Variants in EDARADD observed in about 807,000 individuals in gnomAD.
EDARADD encodes the protein EDAR associated via death domain, also known as ectodysplasin-A receptor-associated adapter protein.
A neutral mutation model predicts 25.6 loss-of-function variants in EDARADD; 20 were observed. That is an observed-to-expected ratio of 0.78 (90% CI 0.55 to 1.14). The LOEUF is 1.14. Ranked by LOEUF, EDARADD falls within the 50% of genes most tolerant of loss-of-function variation. The pLI is 0.00. For missense variants in EDARADD, 225 were observed against 270.1 expected (o/e 0.83, Z 1.17); for synonymous variants, 86 against 94.4 (o/e 0.91, Z 0.52).
At chr1:236,380,269 A>T (rs1210584538) in intron 3 of EDARADD, among the ~76,000 whole-genome samples, 1 of 152,260 alleles carries the variant, frequency 6.6e-6, no homozygotes, top group South Asian at 2.1e-4. Context: ...GTCTGAAGTC[A>T]CTTCACATAT....
At chr1:236,379,386 ATAAACAAC>A (rs1235774140) in intron 3 of EDARADD, among the ~76,000 whole-genome samples, 1 of 148,608 alleles carries the variant, frequency 6.7e-6, no homozygotes, top group Admixed American at 6.7e-5. Context: ...AAATAAATAA[ATAAACAAC>A]TAAAGTCACA....
At chr1:236,464,407 G>A (rs1355652469) in intron 4 of EDARADD, among the ~76,000 whole-genome samples, 3 of 146,856 alleles carry the variant, frequency 2.0e-5, no homozygotes, top group Non-Finnish European at 3.0e-5. Flanking sequence ...GCCACCATGC[G>A]TGGTCCTTGC....
intron 3 of EDARADD, among the ~76,000 whole-genome samples, chr1:236,424,677 G>A (rs1348712262): frequency 1.3e-5 from 2 of 152,046 alleles, no homozygotes; most frequent in Admixed American, 1.3e-4. Context: ...GCTTGTGTCA[G>A]GGTGAATTAA....
At chr1:236,370,852 G>A (rs891089887) in intron 3 of EDARADD, among the ~76,000 whole-genome samples, 8 of 152,164 alleles carry the variant, frequency 5.3e-5, no homozygotes, top group African/African-American at 1.9e-4. Flanking sequence ...CTCCTACAAA[G>A]GCAATCTAGT....
At chr1:236,381,537 A>G (rs1379378909) in intron 3 of EDARADD, among the ~76,000 whole-genome samples, 1 of 151,880 alleles carries the variant, frequency 6.6e-6, no homozygotes, top group African/African-American at 2.4e-5. Flanking sequence ...TCTCCCTTCT[A>G]GGCTTTTGAA....
chr1:236,367,195 T>C (rs1667120831), intron 3 of EDARADD, among the ~76,000 whole-genome samples: 2 of 151,642 alleles, frequency 1.3e-5, no homozygotes, highest in South Asian at 4.2e-4. Context: ...TGTTATCTCA[T>C]CTTGGCTTGA....
upstream of EDARADD, among the ~76,000 whole-genome samples, chr1:236,389,783 C>G (rs1038199044): frequency 3.3e-5 from 5 of 152,054 alleles, no homozygotes; most frequent in Non-Finnish European, 7.4e-5. Context: ...AGGTGGATTC[C>G]CTGAGCCCAG....
intron 4 of EDARADD, among the ~76,000 whole-genome samples, chr1:236,436,449 A>G (rs1658253986): frequency 6.6e-6 from 1 of 152,006 alleles, no homozygotes; most frequent in Non-Finnish European, 1.5e-5. Flanking sequence ...GGCGTGAGCC[A>G]CTGCACCCAG....
intron 4 of EDARADD, among the ~76,000 whole-genome samples, chr1:236,466,825 T>C (rs1408573230): frequency 6.6e-6 from 1 of 152,120 alleles, no homozygotes; most frequent in Non-Finnish European, 1.5e-5. Flanking sequence ...TCCCAACACT[T>C]TGGGAGGCCA....
At chr1:236,382,922 C>T (rs1311358374) in intron 3 of EDARADD, among the ~76,000 whole-genome samples, 1 of 152,100 alleles carries the variant, frequency 6.6e-6, no homozygotes, top group Non-Finnish European at 1.5e-5. Flanking sequence ...CTGCTGGGTC[C>T]TCAAGGGGGA....
chr1:236,360,353 C>G (rs1252426661), intron 3 of EDARADD, among the ~76,000 whole-genome samples: 1 of 151,464 alleles, frequency 6.6e-6, no homozygotes, highest in African/African-American at 2.4e-5. Flanking sequence ...GTGGGGATTT[C>G]AGGTACTTAG....
chr1:236,370,360 G>A (rs1000020599), intron 3 of EDARADD, among the ~76,000 whole-genome samples: 1 of 152,070 alleles, frequency 6.6e-6, no homozygotes, highest in Non-Finnish European at 1.5e-5. Context: ...GGCAGAGGTT[G>A]CGGTGAGCCA....
At chr1:236,480,167 A>T (rs1659633869) in intron 5 of EDARADD, among the ~76,000 whole-genome samples, 1 of 132,844 alleles carries the variant, frequency 7.5e-6, no homozygotes, top group Non-Finnish European at 1.6e-5. Context: ...ATTGATTTTC[A>T]TGTAGTTCTA....
chr1:236,378,101 C>T (rs949550473), intron 3 of EDARADD, among the ~76,000 whole-genome samples: 1 of 152,252 alleles, frequency 6.6e-6, no homozygotes, highest in Admixed American at 6.5e-5. Context: ...TTCTCAGTCC[C>T]ACCCACCCCC....
chr1:236,381,791 C>T (rs1329392013), intron 3 of EDARADD, among the ~76,000 whole-genome samples: 40 of 75,258 alleles, frequency 5.3e-4, no homozygotes, highest in South Asian at 1.5e-3. Context: ...TTTTTTTCTT[C>T]CTGTGGTTGC....
rs139389981 is a variant in EDARADD at position 236,453,423 on chromosome 1, C to T, written c.220-14808C>T. Among the ~76,000 whole-genome samples the T allele has an allele frequency of 4.3e-3, 650 of 151,612 alleles. 6 individuals are homozygous for T. The highest frequency in any genetic ancestry group is 0.015 in the African/African-American group (612 of 41,294). On this transcript the variant is annotated intron_variant, in intron 4 of 5. Coordinates refer to ENST00000334232, the MANE Select transcript of EDARADD (RefSeq NM_145861.4). ...TCCCAAGTAGCTGGGATTACAGGCG[C>T]GCACCACCGTGCCAAGGTTAATTAT...
intron 3 of EDARADD, among the ~76,000 whole-genome samples, chr1:236,371,202 T>C (rs995508662): frequency 6.6e-6 from 1 of 152,188 alleles, no homozygotes; most frequent in African/African-American, 2.4e-5. Context: ...TGGTACTGTG[T>C]TTTTAATTTC....
At position 236,419,702 on chromosome 1, in the gene EDARADD, C is replaced by T. The variant is rs190512393; in HGVS notation, c.160+5403C>T. Among the ~76,000 whole-genome samples the T allele has an allele frequency of 6.2e-4, 95 of 152,184 alleles. 1 individual carries two copies. The East Asian group carries it at 8.9e-3, about 14-fold the overall frequency. On this transcript the variant is annotated intron_variant, in intron 3 of 5. Coordinates refer to ENST00000334232, the MANE Select transcript of EDARADD (RefSeq NM_145861.4). ...AGGCAAGCCTGGGTCAGATGGTGAC[C>T]GCTCTAGCTGTAAAAAGATAACATA...
Position 236,375,388 on chromosome 1 carries a change from G to A in EDARADD, c.-6+24549G>A, listed in dbSNP as rs538336077. 5.9e-5 allele frequency among the ~76,000 whole-genome samples: 9 copies of A among 152,240 alleles called. No homozygotes were observed. In the East Asian group the frequency reaches 1.5e-3, roughly 26 times the overall value. On this transcript the variant is annotated intron_variant, in intron 3 of 7. Transcript: ENST00000439430. The stretch of plus-strand genomic sequence containing the variant: ...AAAAATAACCAGGCCAGGCGCAGTG[G>A]CTCACGCCTGTAATCCCAGCACTTT...
Sources: gnomAD v4.1 joint callset for allele counts (sites outside exome capture counted in the v4.1 genomes callset) on GRCh38, gnomAD v4.1.1 for gene constraint, MANE v1.5 for transcripts, NCBI Gene and HGNC (gene_info 2026-07-23, HGNC 2026-07-21) for gene names.